Variants in NCAPH observed in about 807,000 individuals in gnomAD.
NCAPH encodes non-SMC condensin I complex subunit H.
NCAPH carries 38 observed loss-of-function variants against 85.5 expected under a neutral mutation model. The observed-to-expected ratio is 0.44, with a 90% confidence interval of 0.34 to 0.58. The LOEUF is 0.58. NCAPH is among the 20% of genes least tolerant of loss of function. The pLI is 0.01. For synonymous variants in NCAPH, 301 were observed against 335.1 expected (o/e 0.90, Z 1.11); for missense variants, 789 against 916.6 (o/e 0.86, Z 1.80).
Position 96,375,404 on chromosome 2 carries a change from G to A in NCAPH, c.*2053G>A, listed in dbSNP as rs910662829. Among the ~76,000 whole-genome samples the A allele has an allele frequency of 2.5e-4, 38 of 152,178 alleles. No homozygotes were observed. The highest frequency in any genetic ancestry group is 4.6e-4 in the Non-Finnish European group (31 of 68,036). On this transcript the variant is annotated 3_prime_UTR_variant, in exon 18 of 18. Coordinates refer to ENST00000240423, the MANE Select transcript of NCAPH (RefSeq NM_015341.5). ...GGCCTTTGGGAGGTGATTAGGTTAT[G>A]AGGGCAGATCCCTCGTGAATGGGAT...
At position 96,360,651 on chromosome 2, in the gene NCAPH, A is replaced by T; in HGVS notation, c.1528A>T (p.Thr510Ser). The T allele has an allele frequency of 6.2e-7, 1 of 1,614,094 alleles. No individual in the cohort carries two copies. The highest frequency in any genetic ancestry group is 8.5e-7 in the Non-Finnish European group (1 of 1,179,986). Reference protein sequence around the residue: ...NQNWRATTLPTDFNYNVDTLV... With the variant: ...NQNWRATTLPSDFNYNVDTLV... ...GAATTGGAGAGCTACCACCCTTCCTACAGATTTCAACTACAATGTTGACAC... is the reference window on the plus strand; with the variant it reads ...GAATTGGAGAGCTACCACCCTTCCTTCAGATTTCAACTACAATGTTGACAC... Residue 510 changes from threonine (T) to serine (S), a missense_variant, in exon 12 of 18, where the codon ACA becomes TCA. Physicochemically the swap from Thr to Ser is moderately conservative, Grantham distance 58 (BLOSUM62 1). Coordinates refer to ENST00000240423, the MANE Select transcript of NCAPH (RefSeq NM_015341.5).
At chr2:96,344,358 A>G (rs1294115455) in intron 6 of NCAPH, 129 bp downstream of exon 6, 2 of 970,660 alleles carry the variant, frequency 2.1e-6, no homozygotes, top group Non-Finnish European at 2.9e-6. Flanking sequence ...TATTCAACTG[A>G]TATCTCTGCA....
At chr2:96,357,248 G>A (rs988274544) in intron 9 of NCAPH, among the ~76,000 whole-genome samples, 20 of 152,112 alleles carry the variant, frequency 1.3e-4, no homozygotes, top group Admixed American at 9.8e-4. Context: ...ATTGAAGGAG[G>A]GACCCTGTGA....
At chr2:96,365,380 A>AT (rs1022686464) in intron 13 of NCAPH, among the ~76,000 whole-genome samples, 2 of 152,060 alleles carry the variant, frequency 1.3e-5, no homozygotes, top group African/African-American at 4.8e-5. Flanking sequence ...TTAAGGACTG[A>AT]TTCCTGACCT....
In NCAPH at chr2:96,359,027, C is replaced by A. The variant is rs1232097987; in HGVS notation, c.1209-18C>A. The A allele has an allele frequency of 6.2e-7, 1 of 1,612,522 alleles. No individual in the cohort carries two copies. The highest frequency in any genetic ancestry group is 1.3e-5 in the African/African-American group (1 of 74,836). ...TTATAATATATGTATTGTACATGTA[C>A]AAATATGTGTGTTACAGGGAAGAAA... On this transcript the variant is annotated intron_variant, in intron 9 of 17. Coordinates refer to ENST00000240423, the MANE Select transcript of NCAPH (RefSeq NM_015341.5).
intron 7 of NCAPH, 131 bp from the exon 8 acceptor site, chr2:96,353,175 A>G: frequency 1.4e-6 from 1 of 736,460 alleles, no homozygotes; most frequent in Non-Finnish European, 2.2e-6. Context: ...ATGATACTTG[A>G]GCCTTTGCTG....
intron 6 of NCAPH, among the ~76,000 whole-genome samples, chr2:96,348,581 C>T (rs780003956): frequency 1.3e-5 from 2 of 151,982 alleles, no homozygotes; most frequent in African/African-American, 4.8e-5. Context: ...GCCCTTTCTA[C>T]GTTCCCTTCC....
intron 1 of NCAPH, among the ~76,000 whole-genome samples, chr2:96,336,776 A>G (rs1331506845): frequency 6.6e-6 from 1 of 152,234 alleles, no homozygotes; most frequent in Non-Finnish European, 1.5e-5. Context: ...CATATAGACC[A>G]TTAGACCATA....
intron 6 of NCAPH, among the ~76,000 whole-genome samples, chr2:96,348,003 A>G (rs745744925): frequency 1.3e-5 from 2 of 151,966 alleles, no homozygotes; most frequent in Non-Finnish European, 2.9e-5. Context: ...GTCAGCATTA[A>G]CCGTGGGTGA....
intron 1 of NCAPH, among the ~76,000 whole-genome samples, chr2:96,336,933 G>C (rs1232515379): frequency 6.6e-6 from 1 of 152,230 alleles, no homozygotes; most frequent in Non-Finnish European, 1.5e-5. Flanking sequence ...GGAAGGGACT[G>C]TCAGCTGTTT....
intron 6 of NCAPH, among the ~76,000 whole-genome samples, chr2:96,349,297 C>T (rs960672005): frequency 6.6e-6 from 1 of 152,086 alleles, no homozygotes; most frequent in Admixed American, 6.5e-5. Context: ...AACTTGTAAT[C>T]ATCAAGAGTA....
chr2:96,341,044 T>A (rs1306207851), intron 1 of NCAPH, among the ~76,000 whole-genome samples: 1 of 152,342 alleles, frequency 6.6e-6, no homozygotes, highest in African/African-American at 2.4e-5. Flanking sequence ...AACTTTCAGA[T>A]TGATTTTTAG....
At chr2:96,363,658 C>T (rs1422248159) in intron 12 of NCAPH, among the ~76,000 whole-genome samples, 1 of 152,110 alleles carries the variant, frequency 6.6e-6, no homozygotes, top group East Asian at 1.9e-4. Context: ...AGACTGTGAT[C>T]CATAGGCACT....
chr2:96,337,021 C>T (rs2064223341), intron 1 of NCAPH, among the ~76,000 whole-genome samples: 2 of 152,024 alleles, frequency 1.3e-5, no homozygotes, highest in South Asian at 4.1e-4. Flanking sequence ...TAGATGATCA[C>T]GAAAAGATAG....
rs180768388 is a variant in NCAPH, at chr2:96,351,985, C to G, written c.875C>G (p.Pro292Arg). 1 of 1,613,832 alleles carries G rather than the reference C, an allele frequency of 6.2e-7. No homozygotes were observed. Among genetic ancestry groups the G allele is most frequent in the East Asian group, 2.2e-5 (1 of 44,884 alleles). ...TCCACGGGAGAACCTCTCGAGTTGC[C>G]AGAGTTAGGTTGTGTAGAAATGACA... is the stretch of plus-strand genomic sequence containing the variant. ...TLSTGEPLEL[P>R]ELGCVEMTDL... The change falls in exon 7 of 18, where the codon CCA (proline) becomes CGA (arginine). Residue 292 changes from proline to arginine, a missense_variant. Coordinates refer to ENST00000240423, the MANE Select transcript of NCAPH (RefSeq NM_015341.5).
intron 12 of NCAPH, 51 bp downstream of exon 12, chr2:96,360,761 T>TA: frequency 6.2e-7 from 1 of 1,608,752 alleles, no homozygotes; most frequent in Non-Finnish European, 8.5e-7. Context: ...AAGTGGCTGA[T>TA]AGTATGACAG....
At position 96,374,378 on chromosome 2, in the gene NCAPH, C is replaced by T. The variant is rs1282728393; in HGVS notation, c.*1027C>T. On this transcript the variant is annotated 3_prime_UTR_variant, in exon 18 of 18. Coordinates refer to ENST00000240423, the MANE Select transcript of NCAPH (RefSeq NM_015341.5). ...ACACACAAATGTACAAGTTCTTCCC[C>T]TAACCTCAGAGGAATAGGGGAATTA... Among the ~76,000 whole-genome samples, 2 of 152,316 alleles carry T rather than the reference C, an allele frequency of 1.3e-5. No individual in the cohort carries two copies. The highest frequency in any genetic ancestry group is 3.9e-4 in the East Asian group (2 of 5,184).
chr2:96,344,164 T>C lies in NCAPH; in HGVS notation c.655T>C (p.Leu219=). The part of the protein sequence containing the change: ...KKAVKPKKKH[L]HRTIEQNINN... ...GGCTGTAAAGCCAAAGAAGAAGCAC[T>C]TACACAGAACTATTGAGCAGAACAT... is the stretch of plus-strand genomic sequence containing the variant. The change falls in exon 6 of 18, where the codon TTA becomes CTA. Residue 219 remains leucine, a synonymous_variant. Transcript: ENST00000240423. 6.2e-7 allele frequency: 1 copy of C among 1,613,662 alleles called. No individual in the cohort carries two copies. Among genetic ancestry groups the C allele is most frequent in the Non-Finnish European group, 8.5e-7 (1 of 1,179,910 alleles).
chr2:96,362,240 A>G (rs897193942), intron 12 of NCAPH, among the ~76,000 whole-genome samples: 2 of 151,966 alleles, frequency 1.3e-5, no homozygotes, highest in African/African-American at 2.4e-5. Flanking sequence ...AACAAAAAAA[A>G]AATTGTGATT....
Sources: allele counts gnomAD v4.1 joint callset (sites outside exome capture counted in the v4.1 genomes callset), GRCh38; gene constraint gnomAD v4.1.1; transcripts MANE v1.5; gene names NCBI Gene and HGNC (gene_info 2026-07-23, HGNC 2026-07-21).